The following FBXO28 variants were observed in gnomAD, a reference collection of about 807,000 sequenced individuals.
The protein encoded by FBXO28 is F-box only protein 28.
A neutral mutation model predicts 38.1 loss-of-function variants in FBXO28; 8 were observed. That is an observed-to-expected ratio of 0.21 (90% CI 0.12 to 0.38). The LOEUF (loss-of-function observed/expected upper bound fraction) is 0.38, where lower values mean the gene tolerates loss of function less well. Ranked by LOEUF, FBXO28 falls within the 10% of genes least tolerant of loss-of-function variation. FBXO28 has a pLI of 1.00. For missense variants in FBXO28, 345 were observed against 460.6 expected (o/e 0.75, Z 2.30); for synonymous variants, 168 against 173.8 (o/e 0.97, Z 0.26).
chr1:224,130,693 G>A lies in FBXO28; in HGVS notation c.377+112G>A, dbSNP rs1173168289. Reference sequence around the variant, plus strand: ...TGCTTCCCAAGTTTTTATAGCAAAGGGCACAAAGATCACAATGTGATTTCT... The same window carrying A: ...TGCTTCCCAAGTTTTTATAGCAAAGAGCACAAAGATCACAATGTGATTTCT... On this transcript the variant is annotated intron_variant, in intron 2 of 4. Transcript: ENST00000366862. 5 of 639,072 alleles carry A rather than the reference G, an allele frequency of 7.8e-6. No individual in the cohort carries two copies. The Admixed American group carries it at 8.3e-5, about 11-fold the overall frequency. The allele number at this position is 639,072 out of a possible 1,614,324, so 39.6% of individuals were successfully genotyped here. A position where few individuals can be genotyped will look rare whatever the true frequency, so the allele number is the denominator to read the frequency against.
chr1:224,125,215 A>AGT (rs1656877164), intron 1 of FBXO28, among the ~76,000 whole-genome samples: 1 of 151,872 alleles, frequency 6.6e-6, no homozygotes, highest in Admixed American at 6.6e-5. Context: ...CCTGGGCCCA[A>AGT]GTGATCCTCC....
chr1:224,158,410 A>T lies in FBXO28; in HGVS notation c.*664A>T, dbSNP rs531620855. 4.8e-4 allele frequency: 83 copies of T among 173,824 alleles called. 1 individual carries two copies. Among genetic ancestry groups the T allele is most frequent in the Non-Finnish European group, 8.3e-4 (73 of 87,552 alleles). The allele number at this position is 173,824 out of a possible 1,614,324, so 10.8% of individuals were successfully genotyped here. ...GGGGCCATGTCCTACATTTGCATGG[A>T]TGGATGCATGCATTGCCTAGTCAAC... On this transcript the variant is annotated 3_prime_UTR_variant, in exon 5 of 5. Transcript: ENST00000366862.
chr1:224,123,296 C>T (rs1402701428), intron 1 of FBXO28, among the ~76,000 whole-genome samples: 1 of 151,892 alleles, frequency 6.6e-6, no homozygotes, highest in African/African-American at 2.4e-5. Context: ...GTAATCCTAA[C>T]ACTTTGGGAG....
intron 4 of FBXO28, among the ~76,000 whole-genome samples, chr1:224,154,671 G>A (rs766908623): frequency 6.6e-6 from 1 of 152,166 alleles, no homozygotes; most frequent in Non-Finnish European, 1.5e-5. Flanking sequence ...AGCTGGGCGC[G>A]GTGGTGGGTG....
At position 224,158,367 on chromosome 1, in the gene FBXO28, T is replaced by G. The variant is rs150793870; in HGVS notation, c.*621T>G. The G allele has an allele frequency of 9.3e-4, 291 of 313,330 alleles. No homozygotes were observed. Among genetic ancestry groups the G allele is most frequent in the Non-Finnish European group, 1.2e-3 (255 of 215,296 alleles). 19.4% of individuals were successfully genotyped at this position (313,330 alleles called of 1,614,324 possible). On this transcript the variant is annotated 3_prime_UTR_variant, in exon 5 of 5. Coordinates refer to ENST00000366862, the MANE Select transcript of FBXO28 (RefSeq NM_015176.4). ...AAGGAACTTACCCAGCTGTTATACA[T>G]GTTTTCAGTTCTCTTTGGGGGCCAT...
At chr1:224,127,263 C>T (rs1193601622) in intron 1 of FBXO28, among the ~76,000 whole-genome samples, 1 of 151,018 alleles carries the variant, frequency 6.6e-6, no homozygotes, top group Non-Finnish European at 1.5e-5. Flanking sequence ...TTTCCAGTAG[C>T]CACATGACGT....
chr1:224,120,889 A>T (rs1208277858), intron 1 of FBXO28, among the ~76,000 whole-genome samples: 1 of 151,868 alleles, frequency 6.6e-6, no homozygotes, highest in African/African-American at 2.4e-5. Context: ...AGAAAGAAAG[A>T]AAAGAAAATG....
In FBXO28 at chr1:224,161,330, C is replaced by A. The variant is rs1213455779; in HGVS notation, c.*3584C>A. On this transcript the variant is annotated 3_prime_UTR_variant, in exon 5 of 5. Transcript: ENST00000366862. ...AATGAGTACCCATTTGTTACACTTA[C>A]CAAACTCTCTAAAAACATATACTGT... 1 of 152,176 alleles carries A rather than the reference C, an allele frequency of 6.6e-6. No individual in the cohort carries two copies. The highest frequency in any genetic ancestry group is 2.4e-5 in the African/African-American group (1 of 41,426). The allele number at this position is 152,176 out of a possible 1,614,324, so 9.4% of individuals were successfully genotyped here.
chr1:224,130,858 A>G, intron 2 of FBXO28: 2 of 281,470 alleles, frequency 7.1e-6, no homozygotes, highest in South Asian at 5.1e-5. Context: ...AGATGATATG[A>G]TCTTGTGGAT....
chr1:224,130,807 G>A (rs1044508638), intron 2 of FBXO28: 1 of 417,234 alleles, frequency 2.4e-6, no homozygotes, highest in Non-Finnish European at 4.3e-6. Flanking sequence ...GAAATACAAG[G>A]CATCCAAATG....
chr1:224,122,337 A>G (rs1656798339), intron 1 of FBXO28, among the ~76,000 whole-genome samples: 1 of 152,170 alleles, frequency 6.6e-6, no homozygotes, highest in Non-Finnish European at 1.5e-5. Context: ...CATCTATCCC[A>G]GGAACATTCT....
intron 3 of FBXO28, among the ~76,000 whole-genome samples, chr1:224,140,618 TTAAAAA>T (rs1320740853): frequency 3.9e-5 from 6 of 152,088 alleles, no homozygotes; most frequent in Non-Finnish European, 8.8e-5. Flanking sequence ...CCATGAGCCT[TTAAAAA>T]AAATAAAAGT....
At chr1:224,137,999 G>A (rs371246681) in intron 3 of FBXO28, among the ~76,000 whole-genome samples, 32 of 151,836 alleles carry the variant, frequency 2.1e-4, no homozygotes, top group Middle Eastern at 6.8e-3. Context: ...AGGCTGAGGC[G>A]GGCAAATCAC....
rs1657899791 is a variant in FBXO28 at position 224,161,207 on chromosome 1, C to T, written c.*3461C>T. 4 of 152,140 alleles carry T rather than the reference C, an allele frequency of 2.6e-5. No homozygotes were observed. In the South Asian group the frequency reaches 6.2e-4, roughly 24 times the overall value. The allele number at this position is 152,140 out of a possible 1,614,324, so 9.4% of individuals were successfully genotyped here. ...CATAATATTTTCTAGGATCCGGGAA[C>T]TCCCTATATTGTCTATTTCCAACAT... is the stretch of plus-strand genomic sequence containing the variant. On this transcript the variant is annotated 3_prime_UTR_variant, in exon 5 of 5. Coordinates refer to ENST00000366862, the MANE Select transcript of FBXO28 (RefSeq NM_015176.4).
At chr1:224,140,420 T>G (rs1342104043) in intron 3 of FBXO28, among the ~76,000 whole-genome samples, 1 of 152,208 alleles carries the variant, frequency 6.6e-6, no homozygotes, top group East Asian at 1.9e-4. Flanking sequence ...TGTCACTTGA[T>G]CATCACATTT....
At chr1:224,131,009 A>C (rs931927847) in intron 2 of FBXO28, 1 of 153,040 alleles carries the variant, frequency 6.5e-6, no homozygotes, top group Non-Finnish European at 1.5e-5. Flanking sequence ...ACATTTTATC[A>C]TAGTTTCAAA....
rs10647785 is a variant in FBXO28, at chr1:224,123,442, CAAAAAAAA to C, written c.268-7013_268-7006del. Among the ~76,000 whole-genome samples the C allele has an allele frequency of 7.8e-5, 5 of 64,298 alleles. No individual in the cohort carries two copies. The South Asian group carries it at 2.3e-3, about 29-fold the overall frequency. 42.2% of individuals were successfully genotyped at this position (64,298 alleles called of 152,430 possible). The stretch of plus-strand genomic sequence containing the variant: ...TGGGCAACAGAGGGAGACCCTGTCT[CAAAAAAAA>C]AAAAAAAAAAAAAAAATTGGGTTCC... On this transcript the variant is annotated intron_variant, in intron 1 of 4. Transcript: ENST00000366862.
At chr1:224,137,321 G>A (rs1036641551) in intron 3 of FBXO28, among the ~76,000 whole-genome samples, 1 of 151,458 alleles carries the variant, frequency 6.6e-6, no homozygotes, top group Non-Finnish European at 1.5e-5. Flanking sequence ...TCAAGAGATC[G>A]AGACCATCCT....
intron 1 of FBXO28, among the ~76,000 whole-genome samples, chr1:224,121,370 A>G (rs775819474): frequency 6.6e-6 from 1 of 152,252 alleles, no homozygotes; most frequent in Non-Finnish European, 1.5e-5. Context: ...GTGAATATCT[A>G]GGGTATATAC....
Sources: allele counts gnomAD v4.1 joint callset (sites outside exome capture counted in the v4.1 genomes callset), GRCh38; gene constraint gnomAD v4.1.1; transcripts MANE v1.5; gene names NCBI Gene and HGNC (gene_info 2026-07-23, HGNC 2026-07-21).